NCOR1: variants seen among roughly 807,000 people sequenced by gnomAD.
NCOR1 encodes the protein protein phosphatase 1, regulatory subunit 109.
NCOR1 carries 63 observed loss-of-function variants against 288.1 expected under a neutral mutation model. The observed-to-expected ratio is 0.22, with a 90% CI of 0.18 to 0.27. The LOEUF is 0.27. Ranked by LOEUF, NCOR1 falls within the 10% of genes least tolerant of loss-of-function variation. The pLI is 1.00. For missense variants in NCOR1, 2,397 were observed against 3,019.2 expected (o/e 0.79, Z 4.83); for synonymous variants, 1,007 against 1,065.9 (o/e 0.94, Z 1.08).
chr17:16,134,824 G>T (rs1286113815), intron 14 of NCOR1, among the ~76,000 whole-genome samples: 2 of 152,124 alleles, frequency 1.3e-5, no homozygotes, highest in Admixed American at 1.3e-4. Flanking sequence ...TAAAGATAAA[G>T]TTATAAATAC....
chr17:16,195,328 G>A (rs893206186), intron 1 of NCOR1, among the ~76,000 whole-genome samples: 16 of 151,988 alleles, frequency 1.1e-4, no homozygotes, highest in South Asian at 2.1e-4. Flanking sequence ...AAAATTAGCC[G>A]GGCACGGTGA....
chr17:16,214,125 T>C (rs1213400123), intron 1 of NCOR1, among the ~76,000 whole-genome samples: 1 of 152,216 alleles, frequency 6.6e-6, no homozygotes, highest in African/African-American at 2.4e-5. Context: ...TCTTCTGTAA[T>C]TGTTACCCTT....
intron 5 of NCOR1, among the ~76,000 whole-genome samples, chr17:16,163,805 T>C (rs2081397603): frequency 6.6e-6 from 1 of 152,108 alleles, no homozygotes; most frequent in African/African-American, 2.4e-5. Flanking sequence ...ACTCACACAA[T>C]GGGATTCAGG....
At chr17:16,111,254 T>C (rs946403733) in intron 18 of NCOR1, among the ~76,000 whole-genome samples, 1 of 152,204 alleles carries the variant, frequency 6.6e-6, no homozygotes, top group Non-Finnish European at 1.5e-5. Flanking sequence ...CAATATATGA[T>C]AGTATTCACT....
At chr17:16,064,778 G>A in intron 34 of NCOR1, 92 bp downstream of exon 34, 1 of 1,270,802 alleles carries the variant, frequency 7.9e-7, no homozygotes, top group Admixed American at 2.6e-5. Context: ...AACCAAATGA[G>A]GAAAAATTGC....
At chr17:16,110,492 G>T (rs537864653) in intron 18 of NCOR1, among the ~76,000 whole-genome samples, 1 of 152,212 alleles carries the variant, frequency 6.6e-6, no homozygotes, top group South Asian at 2.1e-4. Context: ...GAGTACATGT[G>T]TACACATTTA....
intron 43 of NCOR1, 145 bp downstream of exon 43, chr17:16,040,296 A>G (rs1193130231): frequency 4.1e-6 from 3 of 738,936 alleles, no homozygotes; most frequent in Non-Finnish European, 7.2e-6. Flanking sequence ...TACTGGGTAA[A>G]CCTTCCTTCA....
At chr17:16,121,318 C>T (rs751113784) in intron 15 of NCOR1, 49 bp from the exon 16 acceptor site, 7 of 1,465,850 alleles carry the variant, frequency 4.8e-6, no homozygotes, top group African/African-American at 2.8e-5. Context: ...AGTATACATA[C>T]ATCGAAGAAG....
intron 1 of NCOR1, among the ~76,000 whole-genome samples, chr17:16,196,690 T>C (rs1372523190): frequency 6.6e-6 from 1 of 151,412 alleles, no homozygotes; most frequent in African/African-American, 2.4e-5. Context: ...CAGGGCGTGG[T>C]GGCGGGTGCC....
chr17:16,196,765 C>T (rs2089895834), intron 1 of NCOR1, among the ~76,000 whole-genome samples: 1 of 149,220 alleles, frequency 6.7e-6, no homozygotes. Context: ...GCGGAGCTTG[C>T]CGTGAGCCAA....
chr17:16,032,374 T>C lies in NCOR1; in HGVS notation c.7245A>G (p.Gln2415=), dbSNP rs1202897967. 3.1e-6 allele frequency: 5 copies of C among 1,613,998 alleles called. No individual in the cohort carries two copies. Among genetic ancestry groups the C allele is most frequent in the Non-Finnish European group, 4.2e-6 (5 of 1,180,012 alleles). The change falls in exon 46 of 46, where the codon CAA becomes CAG. Residue 2415 remains glutamine (Q), a synonymous_variant. Transcript: ENST00000268712. ...GCTCTCGCTCCCAGATCCTGTTCTG[T>C]TGGTGAGGAGCTGCTTGGTTCACCG... ...PSAVNQAAPH[Q]QNRIWEREPA...
rs1597489449 is a variant in NCOR1, at chr17:16,032,171, T to G, written c.*125A>C. Reference sequence around the variant, plus strand: ...CATCATTTCTTCATCATCTGTGGGCTGGCTCTCCTGAAAAGTCTCAGGGAA... The same window carrying G: ...CATCATTTCTTCATCATCTGTGGGCGGGCTCTCCTGAAAAGTCTCAGGGAA... On this transcript the variant is annotated 3_prime_UTR_variant, in exon 46 of 46. Coordinates refer to ENST00000268712, the MANE Select transcript of NCOR1 (RefSeq NM_006311.4). 1.1e-6 allele frequency: 1 copy of G among 924,308 alleles called. No homozygotes were observed. Among genetic ancestry groups the G allele is most frequent in the Non-Finnish European group, 1.5e-6 (1 of 649,710 alleles). The allele number at this position is 924,308 out of a possible 1,614,324, so 57.3% of individuals were successfully genotyped here.
intron 44 of NCOR1, among the ~76,000 whole-genome samples, chr17:16,038,929 C>T (rs2151967763): frequency 6.6e-6 from 1 of 152,294 alleles, no homozygotes; most frequent in Middle Eastern, 3.4e-3. Flanking sequence ...CGCCATCATG[C>T]CCAGCTAATT....
intron 21 of NCOR1, among the ~76,000 whole-genome samples, chr17:16,097,980 G>A (rs562220231): frequency 2.6e-5 from 4 of 152,202 alleles, no homozygotes; most frequent in Non-Finnish European, 5.9e-5. Flanking sequence ...TCGTTGGTGT[G>A]AGGAAAAAGC....
intron 36 of NCOR1, 81 bp downstream of exon 36, chr17:16,062,024 A>G (rs2060596596): frequency 2.5e-6 from 4 of 1,586,916 alleles, no homozygotes; most frequent in Middle Eastern, 1.7e-4. Flanking sequence ...AAGCATGACT[A>G]TACTTAGACT....
chr17:16,091,818 T>C, intron 22 of NCOR1, 45 bp downstream of exon 22: 5 of 1,612,136 alleles, frequency 3.1e-6, no homozygotes, highest in Non-Finnish European at 4.2e-6. Flanking sequence ...TTTAGCTTTA[T>C]TTCCCTTCAT....
At chr17:16,086,636 G>T (rs2064276182) in intron 22 of NCOR1, among the ~76,000 whole-genome samples, 194 bp from the exon 23 acceptor site, 1 of 151,888 alleles carries the variant, frequency 6.6e-6, no homozygotes, top group African/African-American at 2.4e-5. Flanking sequence ...ACTATTTGTG[G>T]GGTTGAAATA....
At chr17:16,189,311 T>C (rs894611567) in intron 2 of NCOR1, among the ~76,000 whole-genome samples, 2 of 152,078 alleles carry the variant, frequency 1.3e-5, no homozygotes, top group East Asian at 1.9e-4. Flanking sequence ...TGAGAATTGC[T>C]TGCACCCAGG....
intron 2 of NCOR1, among the ~76,000 whole-genome samples, chr17:16,191,489 C>A (rs2088281642): frequency 6.6e-6 from 1 of 151,972 alleles, no homozygotes; most frequent in Non-Finnish European, 1.5e-5. Context: ...TGAAATCCAT[C>A]TGCAATAAAA....
Sources: allele counts gnomAD v4.1 joint callset (sites outside exome capture counted in the v4.1 genomes callset), GRCh38; gene constraint gnomAD v4.1.1; transcripts MANE v1.5; gene names NCBI Gene and HGNC (gene_info 2026-07-23, HGNC 2026-07-21).